Variants in CNTN6 observed in about 807,000 individuals in gnomAD.
CNTN6 encodes the protein contactin 6.
CNTN6 carries 137 observed loss-of-function variants against 122.8 expected under a neutral mutation model. The ratio of observed to expected loss-of-function variants is 1.12; its 90% CI spans 0.97 to 1.29. The LOEUF (loss-of-function observed/expected upper bound fraction) is 1.29, where lower values mean the gene tolerates loss of function less well. Ranked by LOEUF, CNTN6 falls within the 50% of genes most tolerant of loss-of-function variation. The pLI is 0.00. For missense variants in CNTN6, 1,634 were observed against 1,223.4 expected (o/e 1.34, Z -5.01); for synonymous variants, 570 against 426.0 (o/e 1.34, Z -4.16).
intron 12 of CNTN6, among the ~76,000 whole-genome samples, chr3:1,365,270 A>G (rs1708050490): frequency 6.6e-6 from 1 of 152,048 alleles, no homozygotes; most frequent in African/African-American, 2.4e-5. Flanking sequence ...AATTTCACCC[A>G]CAAATATATC....
intron 17 of CNTN6, among the ~76,000 whole-genome samples, chr3:1,379,304 A>G (rs2126165288): frequency 6.6e-6 from 1 of 152,302 alleles, no homozygotes; most frequent in South Asian, 2.1e-4. Flanking sequence ...AAATCCACCC[A>G]TAGCTACATC....
In CNTN6 at chr3:1,250,960, A is replaced by G. The variant is rs553643797; in HGVS notation, c.358+22967A>G. Among the ~76,000 whole-genome samples the G allele has an allele frequency of 3.5e-4, 54 of 152,206 alleles. 1 individual carries two copies. In the South Asian group the frequency reaches 0.01, roughly 29 times the overall value. On this transcript the variant is annotated intron_variant, in intron 4 of 22. Transcript: ENST00000446702. Reference sequence around the variant, plus strand: ...CCTCATATCTAATTCCTTTGCCATTAAAATCATGCCATTAGCCCGCACTAC... The same window carrying G: ...CCTCATATCTAATTCCTTTGCCATTGAAATCATGCCATTAGCCCGCACTAC...
chr3:1,254,834 G>A (rs892698818), intron 4 of CNTN6, among the ~76,000 whole-genome samples: 2 of 151,974 alleles, frequency 1.3e-5, no homozygotes, highest in African/African-American at 4.8e-5. Context: ...ACAGTAATGT[G>A]CTGAAACAAA....
chr3:1,383,408 G>C lies in CNTN6; in HGVS notation c.2517G>C (p.Glu839Asp). ...ACACTGGAAGAGTGCTGGGCTATGA[G>C]GTAATCCACATTAATTTCACTTTTG... Reference protein sequence around the residue: ...NRNTGRVLGYEVLYWTDDSKE... With the variant: ...NRNTGRVLGYDVLYWTDDSKE... Residue 839 changes from glutamate to aspartate, a missense_variant and splice_region_variant, in exon 19 of 23, where the codon GAG becomes GAC. Transcript: ENST00000446702. The C allele has an allele frequency of 1.2e-6, 2 of 1,610,692 alleles. No homozygotes were observed. The highest frequency in any genetic ancestry group is 1.7e-6 in the Non-Finnish European group (2 of 1,177,154).
At chr3:1,391,657 C>T (rs1486842997) in intron 20 of CNTN6, among the ~76,000 whole-genome samples, 1 of 151,302 alleles carries the variant, frequency 6.6e-6, no homozygotes, top group Non-Finnish European at 1.5e-5. Context: ...TAGAAAACCC[C>T]ATTGTCTCAG....
chr3:1,217,687 G>A (rs2094146974), intron 2 of CNTN6, among the ~76,000 whole-genome samples: 1 of 152,182 alleles, frequency 6.6e-6, no homozygotes, highest in Admixed American at 6.5e-5. Flanking sequence ...GAGAAAATGT[G>A]AGAGGATAGT....
intron 4 of CNTN6, among the ~76,000 whole-genome samples, chr3:1,252,721 A>G (rs1194749516): frequency 6.6e-6 from 1 of 152,156 alleles, no homozygotes; most frequent in Non-Finnish European, 1.5e-5. Context: ...CTGCAGAGAA[A>G]TAAGCTTTTG....
chr3:1,402,287 C>A (rs781545686), intron 21 of CNTN6, 31 bp from the exon 22 acceptor site: 15 of 1,573,332 alleles, frequency 9.5e-6, no homozygotes, highest in Admixed American at 1.7e-5. Context: ...AGCAACATGT[C>A]CATGTTAACT....
In CNTN6 at chr3:1,220,709, T is replaced by G. The variant is rs1369694160; in HGVS notation, c.78T>G (p.Pro26=). The G allele has an allele frequency of 6.2e-7, 1 of 1,612,610 alleles. No individual in the cohort carries two copies. The highest frequency in any genetic ancestry group is 1.1e-5 in the South Asian group (1 of 90,734). The change falls in exon 3 of 23, where the codon CCT becomes CCG. Residue 26 remains proline, a synonymous_variant. Transcript: ENST00000446702. ...CAGGTGATGGTCTTTTAAGCCGTCC[T>G]ATTTTTACTCAGGAGCCACATGATG... is the stretch of plus-strand genomic sequence containing the variant. ...SSAGDGLLSR[P]IFTQEPHDVI...
At chr3:1,382,346 C>G (rs1236384356) in intron 17 of CNTN6, among the ~76,000 whole-genome samples, 3 of 152,126 alleles carry the variant, frequency 2.0e-5, no homozygotes, top group African/African-American at 7.2e-5. Context: ...TTTATAGAAT[C>G]TGATCTTTGT....
At chr3:1,300,565 GAA>G (rs1283778653) in intron 7 of CNTN6, among the ~76,000 whole-genome samples, 11 of 37,774 alleles carry the variant, frequency 2.9e-4, no homozygotes, top group African/African-American at 1.2e-3. Context: ...GAAAAAGAAA[GAA>G]AGAAAGAAAG....
intron 2 of CNTN6, among the ~76,000 whole-genome samples, chr3:1,202,518 G>T (rs942622844): frequency 2.0e-4 from 31 of 151,336 alleles, no homozygotes; most frequent in African/African-American, 7.6e-4. Context: ...TCCAGCCTGG[G>T]CGACAGAGCC....
chr3:1,295,299 T>C (rs1320444310), intron 5 of CNTN6, among the ~76,000 whole-genome samples: 1 of 152,222 alleles, frequency 6.6e-6, no homozygotes, highest in Non-Finnish European at 1.5e-5. Flanking sequence ...TATTATTTTA[T>C]ACGTCTTATG....
chr3:1,285,766 C>G (rs1000217952), intron 5 of CNTN6, among the ~76,000 whole-genome samples: 2 of 152,162 alleles, frequency 1.3e-5, no homozygotes, highest in Non-Finnish European at 2.9e-5. Flanking sequence ...ATTTATTCCA[C>G]TCCCTAATTT....
At chr3:1,361,039 A>G (rs1360433857) in intron 12 of CNTN6, among the ~76,000 whole-genome samples, 4 of 152,102 alleles carry the variant, frequency 2.6e-5, no homozygotes, top group South Asian at 2.1e-4. Context: ...AAGCCATGCC[A>G]TCTCTTTCCC....
At chr3:1,323,180 C>T (rs1701097434) in intron 8 of CNTN6, among the ~76,000 whole-genome samples, 1 of 151,640 alleles carries the variant, frequency 6.6e-6, no homozygotes, top group African/African-American at 2.4e-5. Context: ...AATTCTTAAT[C>T]TTAAGAAGTA....
At chr3:1,311,338 A>G (rs1005192649) in intron 7 of CNTN6, among the ~76,000 whole-genome samples, 1 of 139,532 alleles carries the variant, frequency 7.2e-6, no homozygotes, top group Non-Finnish European at 1.5e-5. Context: ...ATATATGTAC[A>G]TATAAAATGT....
At chr3:1,323,257 A>C (rs569643215) in intron 8 of CNTN6, among the ~76,000 whole-genome samples, 1 of 151,814 alleles carries the variant, frequency 6.6e-6, no homozygotes, top group East Asian at 2.0e-4. Flanking sequence ...AAAATATCTT[A>C]AGTTAATTGT....
intron 12 of CNTN6, among the ~76,000 whole-genome samples, chr3:1,369,165 CTACTACTTGCCTTT>C (rs1363291480): frequency 6.6e-6 from 1 of 152,172 alleles, no homozygotes. Context: ...ACCCAGCTCA[CTACTACTTGCCTTT>C]TACTTCTCAG....
Sources: gnomAD v4.1 joint callset for allele counts (sites outside exome capture counted in the v4.1 genomes callset) on GRCh38, gnomAD v4.1.1 for gene constraint, MANE v1.5 for transcripts, NCBI Gene and HGNC (gene_info 2026-07-23, HGNC 2026-07-21) for gene names.